The following RNF220 variants were observed in gnomAD, a reference collection of about 807,000 sequenced individuals.
RNF220 encodes ring finger protein 220.
Under a neutral mutation model 67.1 loss-of-function variants are expected in RNF220, and 7 were observed. That is an observed-to-expected ratio of 0.10 (90% CI 0.06 to 0.20). The LOEUF (loss-of-function observed/expected upper bound fraction) is 0.20. Ranked by LOEUF, RNF220 falls within the 10% of genes least tolerant of loss-of-function variation. The pLI is 1.00. For synonymous variants in RNF220, 270 were observed against 283.2 expected (o/e 0.95, Z 0.47); for missense variants, 565 against 740.3 (o/e 0.76, Z 2.75).
At chr1:44,575,595 A>G (rs1259251435) in intron 2 of RNF220, among the ~76,000 whole-genome samples, 2 of 152,238 alleles carry the variant, frequency 1.3e-5, no homozygotes, top group Admixed American at 1.3e-4. Context: ...CAAAACCACA[A>G]TGAGATACCA....
chr1:44,630,236 T>A (rs948473817), intron 5 of RNF220, among the ~76,000 whole-genome samples: 6 of 152,230 alleles, frequency 3.9e-5, no homozygotes, highest in African/African-American at 1.4e-4. Context: ...TGGTTTCTGG[T>A]TTGAATTCTC....
At chr1:44,625,181 C>A (rs867434105) in intron 4 of RNF220, among the ~76,000 whole-genome samples, 1 of 152,206 alleles carries the variant, frequency 6.6e-6, no homozygotes, top group African/African-American at 2.4e-5. Context: ...CACCTCCTTT[C>A]TGAGCTGAGG....
intron 6 of RNF220, chr1:44,632,623 TG>T (rs369660764): frequency 3.6e-6 from 2 of 559,262 alleles, no homozygotes; most frequent in Admixed American, 3.2e-5. Context: ...TGAAGAACCC[TG>T]GGGGGGCAAT....
chr1:44,515,475 T>C (rs1167708207), intron 2 of RNF220, among the ~76,000 whole-genome samples: 7 of 152,228 alleles, frequency 4.6e-5, no homozygotes, highest in Non-Finnish European at 1.0e-4. Flanking sequence ...TTGCTTGTGG[T>C]GAGAATACAG....
intron 4 of RNF220, among the ~76,000 whole-genome samples, chr1:44,625,687 A>G (rs1302690216): frequency 6.6e-6 from 1 of 152,072 alleles, no homozygotes; most frequent in Non-Finnish European, 1.5e-5. Flanking sequence ...AATTGTGGTG[A>G]TTGCACACAA....
At chr1:44,578,975 C>A (rs1053240898) in intron 2 of RNF220, among the ~76,000 whole-genome samples, 11 of 151,852 alleles carry the variant, frequency 7.2e-5, no homozygotes, top group Admixed American at 1.3e-4. Flanking sequence ...ACCATCCTGG[C>A]TAATACAGCG....
chr1:44,497,069 A>C (rs1242668384), intron 2 of RNF220, among the ~76,000 whole-genome samples: 3 of 152,114 alleles, frequency 2.0e-5, no homozygotes, highest in Non-Finnish European at 4.4e-5. Flanking sequence ...CCCCTGGGAC[A>C]GTTTCTTCTC....
rs201736958 is a variant in RNF220 at position 44,636,049 on chromosome 1, C to T, written c.1013C>T (p.Ala338Val). 2 of 1,614,234 alleles carry T rather than the reference C, an allele frequency of 1.2e-6. No individual in the cohort carries two copies. Among genetic ancestry groups the T allele is most frequent in the Non-Finnish European group, 1.7e-6 (2 of 1,180,036 alleles). Reference sequence around the variant, plus strand: ...TCACAGAGGGAAGGCTCCTGCATGGCTGAGGATGATGCTGTGGACATCGAG... The same window carrying T: ...TCACAGAGGGAAGGCTCCTGCATGGTTGAGGATGATGCTGTGGACATCGAG... Reference protein sequence around the residue: ...DEGQREGSCMAEDDAVDIEHE... With the variant: ...DEGQREGSCMVEDDAVDIEHE... Residue 338 changes from alanine (A) to valine (V), a missense_variant, in exon 8 of 15, where the codon GCT (alanine) becomes GTT (valine). Coordinates refer to ENST00000361799, the MANE Select transcript of RNF220 (RefSeq NM_018150.4).
intron 2 of RNF220, among the ~76,000 whole-genome samples, chr1:44,513,527 G>A (rs943293991): frequency 5.3e-5 from 8 of 152,158 alleles, no homozygotes; most frequent in Non-Finnish European, 8.8e-5. Flanking sequence ...GTGATGGAGC[G>A]AAAGTGAGTG....
intron 2 of RNF220, among the ~76,000 whole-genome samples, chr1:44,460,149 C>T (rs1653621323): frequency 6.6e-6 from 1 of 152,182 alleles, no homozygotes; most frequent in South Asian, 2.1e-4. Context: ...TTCCTCGTCT[C>T]ACGGGGTGAG....
intron 2 of RNF220, among the ~76,000 whole-genome samples, chr1:44,599,447 C>T (rs187401251): frequency 2.6e-5 from 4 of 152,084 alleles, no homozygotes; most frequent in African/African-American, 7.2e-5. Flanking sequence ...CCGAGGTGGA[C>T]GGACTGCTTG....
chr1:44,497,174 A>T (rs1458282213), intron 2 of RNF220, among the ~76,000 whole-genome samples: 1 of 152,066 alleles, frequency 6.6e-6, no homozygotes, highest in Non-Finnish European at 1.5e-5. Context: ...AGAATTCCCA[A>T]GGCATCTCTA....
chr1:44,607,880 C>A (rs1667391291), intron 2 of RNF220, among the ~76,000 whole-genome samples: 1 of 151,748 alleles, frequency 6.6e-6, no homozygotes, highest in Non-Finnish European at 1.5e-5. Flanking sequence ...AATGTCACTT[C>A]CTTCACCTTC....
chr1:44,619,787 A>G (rs190469248), intron 3 of RNF220, among the ~76,000 whole-genome samples: 281 of 152,292 alleles, frequency 1.8e-3, no homozygotes, highest in Non-Finnish European at 3.3e-3. Flanking sequence ...CCTGTCTTCT[A>G]TGAGGCAGGC....
intron 2 of RNF220, among the ~76,000 whole-genome samples, chr1:44,504,729 C>A (rs562686451): frequency 6.6e-6 from 1 of 152,198 alleles, no homozygotes; most frequent in Non-Finnish European, 1.5e-5. Context: ...GCATCAGTAT[C>A]TTTTTTGGCA....
intron 2 of RNF220, among the ~76,000 whole-genome samples, chr1:44,533,217 A>C (rs984853022): frequency 6.6e-6 from 1 of 152,212 alleles, no homozygotes; most frequent in African/African-American, 2.4e-5. Flanking sequence ...CAGGCTGGGC[A>C]TGGTGGCTCA....
chr1:44,432,483 C>T (rs1258947758), intron 2 of RNF220, among the ~76,000 whole-genome samples: 2 of 152,048 alleles, frequency 1.3e-5, no homozygotes, highest in Non-Finnish European at 2.9e-5. Flanking sequence ...GTTGGTCAGC[C>T]TGTTTCGAAT....
chr1:44,440,864 G>A (rs1651474032), intron 2 of RNF220, among the ~76,000 whole-genome samples: 1 of 152,152 alleles, frequency 6.6e-6, no homozygotes, highest in Admixed American at 6.6e-5. Context: ...TGTGCCTCCT[G>A]TTCCCTGAGT....
chr1:44,481,813 CA>C (rs1163466508), intron 2 of RNF220, among the ~76,000 whole-genome samples: 16 of 151,952 alleles, frequency 1.1e-4, no homozygotes, highest in Non-Finnish European at 2.1e-4. Flanking sequence ...GTGATCCAGG[CA>C]AAGAAAAAGA....
Sources: allele counts gnomAD v4.1 joint callset (sites outside exome capture counted in the v4.1 genomes callset), GRCh38; gene constraint gnomAD v4.1.1; transcripts MANE v1.5; gene names NCBI Gene and HGNC (gene_info 2026-07-23, HGNC 2026-07-21).